RGS5: variants seen among roughly 807,000 people sequenced by gnomAD.
RGS5 encodes the protein regulator of G protein signaling 5, also known as regulator of G-protein signalling 5.
A neutral mutation model predicts 18.9 loss-of-function variants in RGS5; 20 were observed. The observed-to-expected ratio is 1.06, with a 90% CI of 0.74 to 1.54. The LOEUF is 1.54. Ranked by LOEUF, RGS5 falls within the 40% of genes most tolerant of loss-of-function variation. The pLI is 0.00. For missense variants in RGS5, 201 were observed against 211.8 expected, an observed-to-expected ratio of 0.95 and a Z score of 0.32; for synonymous variants, 57 against 76.2, an observed-to-expected ratio of 0.75 and a Z score of 1.31.
intron 1 of RGS5, among the ~76,000 whole-genome samples, chr1:163,306,563 T>C (rs1178871967): frequency 6.6e-6 from 1 of 152,218 alleles, no homozygotes; most frequent in Non-Finnish European, 1.5e-5. Flanking sequence ...TTTTATGGGT[T>C]GAATTGTGTC....
chr1:163,234,306 A>G (rs1647564005), intron 2 of RGS5, among the ~76,000 whole-genome samples: 1 of 152,166 alleles, frequency 6.6e-6, no homozygotes, highest in African/African-American at 2.4e-5. Context: ...ATCTATTGAG[A>G]TGATAATATT....
At position 163,176,194 on chromosome 1, in the gene RGS5, C is replaced by T. The variant is rs545619439; in HGVS notation, c.45-7826G>A. Among the ~76,000 whole-genome samples, 12 of 152,324 alleles carry T rather than the reference C, an allele frequency of 7.9e-5. No individual in the cohort carries two copies. In the East Asian group the frequency reaches 1.9e-3, roughly 24 times the overall value. ...TTTCATTTTTATGTTCAAGCTGTTA[C>T]CTCAGCTACCCCAGGTTAGCTCATT... On this transcript the variant is annotated intron_variant, in intron 1 of 4. Coordinates refer to ENST00000313961, the MANE Select transcript of RGS5 (RefSeq NM_003617.4).
At chr1:163,206,067 A>G (rs1213905403), upstream of RGS5, among the ~76,000 whole-genome samples, 1 of 152,208 alleles carries the variant, frequency 6.6e-6, no homozygotes, top group African/African-American at 2.4e-5. Flanking sequence ...GTTTTAAACC[A>G]TAAGCAAGCT....
At chr1:163,200,262 G>C (rs918820365) in intron 1 of RGS5, among the ~76,000 whole-genome samples, 1 of 152,122 alleles carries the variant, frequency 6.6e-6, no homozygotes, top group African/African-American at 2.4e-5. Context: ...TCAGACTTTT[G>C]TAAAGTGAAT....
chr1:163,259,022 G>A (rs577779429), intron 2 of RGS5, among the ~76,000 whole-genome samples: 22 of 151,920 alleles, frequency 1.4e-4, no homozygotes, highest in Admixed American at 3.3e-4. Flanking sequence ...ATAATGCTAG[G>A]CAAAGAGCCA....
chr1:163,183,079 A>C (rs1471247973), intron 1 of RGS5, among the ~76,000 whole-genome samples: 3 of 152,240 alleles, frequency 2.0e-5, no homozygotes, highest in Non-Finnish European at 4.4e-5. Flanking sequence ...ATACATTTAC[A>C]CAAAAGATAC....
chr1:163,212,484 G>T (rs1660129588), intron 1 of RGS5: 1 of 152,234 alleles, frequency 6.6e-6, no homozygotes, highest in African/African-American at 2.4e-5. Context: ...CTAAGTACAT[G>T]GCTTGATTCT....
At chr1:163,179,629 T>C (rs1318779458) in intron 1 of RGS5, among the ~76,000 whole-genome samples, 2 of 152,208 alleles carry the variant, frequency 1.3e-5, no homozygotes, top group African/African-American at 4.8e-5. Flanking sequence ...TCAGTACTTT[T>C]ATGGGTGATC....
At chr1:163,296,297 T>C (rs1160929260) in intron 2 of RGS5, among the ~76,000 whole-genome samples, 1 of 152,230 alleles carries the variant, frequency 6.6e-6, no homozygotes, top group African/African-American at 2.4e-5. Context: ...GTTTATTGTC[T>C]TTGAGGTTTT....
chr1:163,270,359 A>G (rs1648687478), intron 2 of RGS5, among the ~76,000 whole-genome samples: 1 of 143,990 alleles, frequency 6.9e-6, no homozygotes, highest in South Asian at 2.1e-4. Flanking sequence ...TGAGAAAAAA[A>G]AAAAAAAAAA....
chr1:163,221,523 T>TC (rs533741213), upstream of RGS5, among the ~76,000 whole-genome samples: 27 of 96,516 alleles, frequency 2.8e-4, no homozygotes, highest in East Asian at 8.8e-4. Flanking sequence ...AATCAATCAA[T>TC]AAAATCTCCA....
At chr1:163,248,914 T>C (rs1272967133) in intron 2 of RGS5, among the ~76,000 whole-genome samples, 3 of 152,138 alleles carry the variant, frequency 2.0e-5, no homozygotes, top group Non-Finnish European at 4.4e-5. Context: ...AGGAGGAAGC[T>C]GAAGAATAGC....
Position 163,173,775 on chromosome 1 carries a change from A to G in RGS5, c.45-5407T>C, listed in dbSNP as rs570500541. Reference sequence around the variant, plus strand: ...AATCACTGATGAAGGTAGGTGGAGTATAAAAACAAAAGAACGTAGGCCTGG... The same window carrying G: ...AATCACTGATGAAGGTAGGTGGAGTGTAAAAACAAAAGAACGTAGGCCTGG... On this transcript the variant is annotated intron_variant, in intron 1 of 4. Transcript: ENST00000313961. Among the ~76,000 whole-genome samples the G allele has an allele frequency of 6.4e-4, 97 of 152,296 alleles. 2 individuals are homozygous for G. In the South Asian group the frequency reaches 0.02, roughly 31 times the overall value.
intron 2 of RGS5, among the ~76,000 whole-genome samples, chr1:163,300,009 A>G (rs945866127): frequency 6.6e-6 from 1 of 152,236 alleles, no homozygotes; most frequent in African/African-American, 2.4e-5. Flanking sequence ...CCTACTTTCA[A>G]CTTTATAGCT....
intron 2 of RGS5, among the ~76,000 whole-genome samples, chr1:163,302,232 A>G (rs1459659496): frequency 2.0e-5 from 3 of 152,196 alleles, no homozygotes; most frequent in African/African-American, 7.2e-5. Flanking sequence ...CCAGGTATAC[A>G]GTGGTACTTA....
At chr1:163,230,083 C>A (rs575192509) in intron 2 of RGS5, among the ~76,000 whole-genome samples, 2 of 152,316 alleles carry the variant, frequency 1.3e-5, no homozygotes, top group South Asian at 4.1e-4. Flanking sequence ...CCATAATACT[C>A]CATCAAACTC....
At chr1:163,182,815 G>T (rs1322264337) in intron 1 of RGS5, among the ~76,000 whole-genome samples, 1 of 152,152 alleles carries the variant, frequency 6.6e-6, no homozygotes, top group Non-Finnish European at 1.5e-5. Flanking sequence ...CAAAGTCTTT[G>T]AGTGTCTCCA....
chr1:163,147,602 G>A (rs1571205579), intron 4 of RGS5, 99 bp from the exon 5 acceptor site: 2 of 1,107,582 alleles, frequency 1.8e-6, no homozygotes, highest in Non-Finnish European at 2.5e-6. Context: ...AAACATAAGA[G>A]GGGAGGAAAG....
chr1:163,300,527 C>T (rs1041498977), intron 2 of RGS5: 3 of 152,180 alleles, frequency 2.0e-5, no homozygotes, highest in Non-Finnish European at 4.4e-5. Context: ...ATATGCCTGA[C>T]CATTTTGTTC....
Sources: allele counts gnomAD v4.1 joint callset (sites outside exome capture counted in the v4.1 genomes callset), GRCh38; gene constraint gnomAD v4.1.1; transcripts MANE v1.5; gene names NCBI Gene and HGNC (gene_info 2026-07-23, HGNC 2026-07-21).